PHF3: variants seen among roughly 807,000 people sequenced by gnomAD.
The protein encoded by PHF3 is PHD finger protein 3.
PHF3 carries 41 observed loss-of-function variants against 178.4 expected under a neutral mutation model. The observed-to-expected ratio is 0.23, with a 90% confidence interval of 0.18 to 0.30. The LOEUF (loss-of-function observed/expected upper bound fraction) is 0.30. Among genes scored for constraint, PHF3 ranks in the 10% least tolerant of loss-of-function variants. PHF3 has a pLI of 1.00. For synonymous variants in PHF3, 842 were observed against 800.5 expected, an observed-to-expected ratio of 1.05 and a Z score of -0.88; for missense variants, 2,346 against 2,398.1, an observed-to-expected ratio of 0.98 and a Z score of 0.45.
chr6:63,713,259 C>G lies in PHF3; in HGVS notation c.5671C>G (p.Arg1891Gly). ...GAATTTTTACCAGGTTAAAGACATT[C>G]GGAGGCCAGAAAGGCGCCATAGTGA... The part of the protein sequence containing the change: ...PQNFYQVKDI[R>G]RPERRHSDPW... Residue 1891 changes from arginine (R) to glycine (G), a missense_variant, in exon 16 of 16, where the codon CGG becomes GGG. Around this residue, in one of 8 missense-constraint regions of PHF3, gnomAD observed 839 missense variants for 806.9 expected, o/e 1.04. Transcript: ENST00000262043. The G allele has an allele frequency of 1.2e-6, 2 of 1,613,938 alleles. No homozygotes were observed. Among genetic ancestry groups the G allele is most frequent in the South Asian group, 2.2e-5 (2 of 91,070 alleles).
rs1209899008 is a variant in PHF3, at chr6:63,715,565, T to A, written c.*1857T>A. 6.6e-6 allele frequency: 1 copy of A among 152,128 alleles called. No individual in the cohort carries two copies. Among genetic ancestry groups the A allele is most frequent in the Non-Finnish European group, 1.5e-5 (1 of 68,006 alleles). The allele number at this position is 152,128 out of a possible 1,614,324, so 9.4% of individuals were successfully genotyped here. ...AGTGGGTTAATGAATGAAAACAAGCTTTTAGGTCAGTTTTTGATCACCTCT... is the reference window on the plus strand; with the variant it reads ...AGTGGGTTAATGAATGAAAACAAGCATTTAGGTCAGTTTTTGATCACCTCT... On this transcript the variant is annotated 3_prime_UTR_variant, in exon 16 of 16. Coordinates refer to ENST00000262043, the MANE Select transcript of PHF3 (RefSeq NM_001370348.2).
In PHF3 at chr6:63,722,157, A is replaced by G. The variant is rs1050031488; in HGVS notation, c.*8449A>G. On this transcript the variant is annotated 3_prime_UTR_variant, in exon 16 of 16. Coordinates refer to ENST00000262043, the MANE Select transcript of PHF3 (RefSeq NM_001370348.2). ...CTAGGTACCTATAAATTCTCTGCAC[A>G]TTCCTGGCTCCTTTCCTGTCTCTCC... is the stretch of plus-strand genomic sequence containing the variant. Among the ~76,000 whole-genome samples the G allele has an allele frequency of 2.6e-5, 4 of 152,134 alleles. No homozygotes were observed. Among genetic ancestry groups the G allele is most frequent in the African/African-American group, 7.2e-5 (3 of 41,446 alleles).
intron 2 of PHF3, among the ~76,000 whole-genome samples, chr6:63,678,232 G>GA (rs1036615679): frequency 7.3e-4 from 105 of 143,424 alleles, no homozygotes; most frequent in East Asian, 4.3e-3. Flanking sequence ...AAAAAAAAAA[G>GA]AAAAAAAAAC....
chr6:63,721,166 T>G lies in PHF3; in HGVS notation c.*7458T>G. 1 of 1,551,610 alleles carries G rather than the reference T, an allele frequency of 6.4e-7. No individual in the cohort carries two copies. The highest frequency in any genetic ancestry group is 1.4e-5 in the African/African-American group (1 of 73,168). On this transcript the variant is annotated 3_prime_UTR_variant, in exon 16 of 16. Coordinates refer to ENST00000262043, the MANE Select transcript of PHF3 (RefSeq NM_001370348.2). Reference sequence around the variant, plus strand: ...AAGAATTACCCATAAATTTTGCAGTTGAAAATGAAGTTTTGTTTTCACAAT... The same window carrying G: ...AAGAATTACCCATAAATTTTGCAGTGGAAAATGAAGTTTTGTTTTCACAAT...
intron 2 of PHF3, among the ~76,000 whole-genome samples, chr6:63,658,774 A>G (rs551945839): frequency 4.0e-5 from 6 of 150,978 alleles, no homozygotes; most frequent in Admixed American, 2.0e-4. Context: ...CGAGAGAGAG[A>G]GGGAGAGATT....
Position 63,723,759 on chromosome 6 carries a change from T to C in PHF3, c.*10051T>C, listed in dbSNP as rs1173094547. Among the ~76,000 whole-genome samples, 1 of 150,792 alleles carries C rather than the reference T, an allele frequency of 6.6e-6. No individual in the cohort carries two copies. Among genetic ancestry groups the C allele is most frequent in the Non-Finnish European group, 1.5e-5 (1 of 67,764 alleles). ...ATTTCATTGCGTTAGGATATGATGC[T>C]CTAGTTATGGGTCATAAGTACACAT... is the stretch of plus-strand genomic sequence containing the variant. On this transcript the variant is annotated 3_prime_UTR_variant, in exon 16 of 16. Coordinates refer to ENST00000262043, the MANE Select transcript of PHF3 (RefSeq NM_001370348.2).
chr6:63,703,002 C>G (rs1767539699), intron 10 of PHF3, among the ~76,000 whole-genome samples: 1 of 152,208 alleles, frequency 6.6e-6, no homozygotes, highest in Non-Finnish European at 1.5e-5. Context: ...CTCAGCCTCC[C>G]AAGTAGTTGG....
At chr6:63,709,100 A>G in intron 13 of PHF3, 51 bp from the exon 14 acceptor site, 1 of 932,452 alleles carries the variant, frequency 1.1e-6, no homozygotes, top group Non-Finnish European at 1.6e-6. Flanking sequence ...CTAATGTCAT[A>G]ATAAAGATAA....
At chr6:63,643,100 T>C (rs1247307044) in intron 1 of PHF3, among the ~76,000 whole-genome samples, 2 of 152,096 alleles carry the variant, frequency 1.3e-5, no homozygotes, top group African/African-American at 4.8e-5. Context: ...TTACAGACTT[T>C]ATTCTGATTT....
In PHF3 at chr6:63,655,960, A is replaced by G. The variant is rs368913437; in HGVS notation, c.244+9165A>G. Among the ~76,000 whole-genome samples the G allele has an allele frequency of 7.9e-5, 12 of 152,290 alleles. No individual in the cohort carries two copies. The East Asian group carries it at 1.5e-3, about 20-fold the overall frequency. ...GCCCGGCCCTGCTTTAGACATTTCTAATAGATTGTGCAGTTCTTTTCAAAT... is the reference window on the plus strand; with the variant it reads ...GCCCGGCCCTGCTTTAGACATTTCTGATAGATTGTGCAGTTCTTTTCAAAT... On this transcript the variant is annotated intron_variant, in intron 2 of 15. Coordinates refer to ENST00000262043, the MANE Select transcript of PHF3 (RefSeq NM_001370348.2).
chr6:63,677,285 T>C (rs1053770856), intron 2 of PHF3, among the ~76,000 whole-genome samples: 9 of 151,828 alleles, frequency 5.9e-5, no homozygotes, highest in African/African-American at 1.9e-4. Flanking sequence ...TGAGTATGAG[T>C]GTAGATAAAG....
In PHF3 at chr6:63,720,969, G is replaced by C. The variant is rs1561993622; in HGVS notation, c.*7261G>C. 3 of 1,551,310 alleles carry C rather than the reference G, an allele frequency of 1.9e-6. No individual in the cohort carries two copies. Among genetic ancestry groups the C allele is most frequent in the Non-Finnish European group, 8.7e-7 (1 of 1,146,762 alleles). ...AGAGATTCTTTCTCCCAAGTTAACT[G>C]CTATTTTCAAGGTCTGATTATGGAG... On this transcript the variant is annotated 3_prime_UTR_variant, in exon 16 of 16. Transcript: ENST00000262043.
intron 3 of PHF3, among the ~76,000 whole-genome samples, chr6:63,683,812 A>G (rs2149582027): frequency 6.6e-6 from 1 of 152,044 alleles, no homozygotes; most frequent in Non-Finnish European, 1.5e-5. Context: ...TACTTACGTC[A>G]CTCCTAGGTT....
At position 63,706,718 on chromosome 6, in the gene PHF3, T is replaced by C; in HGVS notation, c.3564-11T>C. The C allele has an allele frequency of 6.2e-7, 1 of 1,611,590 alleles. No homozygotes were observed. Among genetic ancestry groups the C allele is most frequent in the Non-Finnish European group, 8.5e-7 (1 of 1,178,846 alleles). On this transcript the variant is annotated splice_polypyrimidine_tract_variant and intron_variant, in intron 12 of 15. Coordinates refer to ENST00000262043, the MANE Select transcript of PHF3 (RefSeq NM_001370348.2). The stretch of plus-strand genomic sequence containing the variant: ...CAGCTTGTCTTTAGGCTTTTTAATG[T>C]CATTTTCTAGTCCAGAGATGCCTGG...
rs1358990942 is a variant in PHF3, at chr6:63,716,290, G to A, written c.*2582G>A. Among the ~76,000 whole-genome samples, 1 of 152,138 alleles carries A rather than the reference G, an allele frequency of 6.6e-6. No individual in the cohort carries two copies. Among genetic ancestry groups the A allele is most frequent in the Non-Finnish European group, 1.5e-5 (1 of 68,002 alleles). ...TCTAAAGTCCATGTGCTTAGCAATT[G>A]TGCTCTGAGAATTGAGAATGAGAAA... On this transcript the variant is annotated 3_prime_UTR_variant, in exon 16 of 16. Transcript: ENST00000262043.
At chr6:63,667,251 G>C (rs182310752) in intron 2 of PHF3, among the ~76,000 whole-genome samples, 1 of 152,158 alleles carries the variant, frequency 6.6e-6, no homozygotes, top group African/African-American at 2.4e-5. Flanking sequence ...ATATGTTTTG[G>C]AACAAAGTAG....
chr6:63,702,659 GTTT>G lies in PHF3; in HGVS notation c.3231+22_3231+24del. On this transcript the variant is annotated intron_variant, in intron 10 of 15. Coordinates refer to ENST00000262043, the MANE Select transcript of PHF3 (RefSeq NM_001370348.2). ...ATTCAGGTAAGGATAGATATGCCAT[GTTT>G]TATAGCTCAAAACATGAAGATTCAG... is the stretch of plus-strand genomic sequence containing the variant. 6.3e-7 allele frequency: 1 copy of G among 1,591,092 alleles called. No individual in the cohort carries two copies.
At chr6:63,662,262 A>G (rs942556147) in intron 2 of PHF3, among the ~76,000 whole-genome samples, 5 of 152,180 alleles carry the variant, frequency 3.3e-5, no homozygotes, top group African/African-American at 1.2e-4. Flanking sequence ...TTCCTCAAAA[A>G]GTTATTTTGG....
Position 63,711,102 on chromosome 6 carries a change from GT to G in PHF3, c.3802-61del. 3 of 1,189,910 alleles carry G rather than the reference GT, an allele frequency of 2.5e-6. No homozygotes were observed. The East Asian group carries it at 7.6e-5, about 30-fold the overall frequency. 73.7% of individuals were successfully genotyped at this position (1,189,910 alleles called of 1,614,324 possible). ...ATAGATTATTACTAATTGAGAAATA[GT>G]TTTAAAACCAAGCTACTCTTTAGCT... is the stretch of plus-strand genomic sequence containing the variant. On this transcript the variant is annotated intron_variant, in intron 14 of 15. Transcript: ENST00000262043.
Sources: allele counts gnomAD v4.1 joint callset (sites outside exome capture counted in the v4.1 genomes callset), GRCh38; gene constraint gnomAD v4.1.1; regional missense constraint gnomAD v4.1.1; transcripts MANE v1.5; gene names NCBI Gene and HGNC (gene_info 2026-07-23, HGNC 2026-07-21).